Variants in OSBPL6 observed in about 807,000 individuals in gnomAD.
The protein encoded by OSBPL6 is oxysterol binding protein like 6.
OSBPL6 carries 49 observed loss-of-function variants against 125.8 expected under a neutral mutation model. That is an observed-to-expected ratio of 0.39 (90% CI 0.31 to 0.49). The LOEUF (loss-of-function observed/expected upper bound fraction) is 0.49, where lower values mean the gene tolerates loss of function less well. OSBPL6 is among the 20% of genes least tolerant of loss of function. The pLI is 0.88. For synonymous variants in OSBPL6, 394 were observed against 391.8 expected, an observed-to-expected ratio of 1.01 and a Z score of -0.07; for missense variants, 986 against 1,135.4, an observed-to-expected ratio of 0.87 and a Z score of 1.89.
intron 15 of OSBPL6, among the ~76,000 whole-genome samples, chr2:178,380,951 G>A (rs77480831): frequency 0.05 from 7,587 of 152,218 alleles, 299 homozygotes; most frequent in East Asian, 0.13. Context: ...TTTTGAAATT[G>A]GAGGATAATA....
intron 1 of OSBPL6, among the ~76,000 whole-genome samples, chr2:178,209,669 G>C (rs2089744842): frequency 6.6e-6 from 1 of 151,698 alleles, no homozygotes. Context: ...GAGTCCCCAA[G>C]GGAGCTGATT....
At chr2:178,345,498 C>T (rs1024050409) in intron 11 of OSBPL6, among the ~76,000 whole-genome samples, 2 of 152,176 alleles carry the variant, frequency 1.3e-5, no homozygotes, top group Non-Finnish European at 1.5e-5. Context: ...CTTAAACTCA[C>T]AGTTTTGTAA....
chr2:178,339,176 G>T, intron 10 of OSBPL6, 82 bp downstream of exon 10: 2 of 766,452 alleles, frequency 2.6e-6, no homozygotes, highest in East Asian at 2.9e-5. Context: ...AATATATAAG[G>T]TAACATTTAA....
At chr2:178,254,884 A>G (rs2091829353) in intron 1 of OSBPL6, among the ~76,000 whole-genome samples, 1 of 152,232 alleles carries the variant, frequency 6.6e-6, no homozygotes, top group African/African-American at 2.4e-5. Flanking sequence ...TACATACCCA[A>G]GACTGGGTAA....
intron 15 of OSBPL6, among the ~76,000 whole-genome samples, chr2:178,375,251 T>C (rs1007256394): frequency 1.1e-4 from 17 of 152,154 alleles, no homozygotes; most frequent in African/African-American, 3.9e-4. Context: ...CCCTCCATCA[T>C]AGGGATACTC....
At chr2:178,198,450 C>T (rs1181244996) in intron 1 of OSBPL6, among the ~76,000 whole-genome samples, 5 of 151,724 alleles carry the variant, frequency 3.3e-5, no homozygotes, top group African/African-American at 1.2e-4. Flanking sequence ...GTGCATGCCA[C>T]CACACCCAGC....
Position 178,381,376 on chromosome 2 carries a change from C to T in OSBPL6, c.1534-1044C>T, listed in dbSNP as rs184455096. Among the ~76,000 whole-genome samples, 140 of 152,096 alleles carry T rather than the reference C, an allele frequency of 9.2e-4. 2 individuals are homozygous for T. The highest frequency in any genetic ancestry group is 3.2e-3 in the African/African-American group (133 of 41,512). On this transcript the variant is annotated intron_variant, in intron 15 of 24. Coordinates refer to ENST00000190611, the MANE Select transcript of OSBPL6 (RefSeq NM_032523.4). ...AAGCCGTATTTCTTTTTTTTTGAGA[C>T]AGAGTCTCGCTCTGTCGCCCAGGCT...
chr2:178,345,545 GGTCCAT>G (rs1690615117), intron 11 of OSBPL6, among the ~76,000 whole-genome samples: 2 of 152,272 alleles, frequency 1.3e-5, no homozygotes, highest in South Asian at 4.1e-4. Context: ...TAGCTTTCAT[GGTCCAT>G]GTATATCTTA....
At chr2:178,263,102 T>C (rs919682) in intron 1 of OSBPL6, among the ~76,000 whole-genome samples, 30,871 of 152,192 alleles carry the variant, frequency 0.2, 3,183 homozygotes, top group South Asian at 0.28. Flanking sequence ...GGATCTTATC[T>C]GTTCTGAAAT....
intron 18 of OSBPL6, among the ~76,000 whole-genome samples, chr2:178,384,892 A>G (rs1293973646): frequency 2.0e-5 from 3 of 151,608 alleles, no homozygotes; most frequent in Non-Finnish European, 4.4e-5. Context: ...AAAAAAAAAA[A>G]TCTTTGTAGC....
chr2:178,248,914 CT>C (rs2091587716), intron 1 of OSBPL6, among the ~76,000 whole-genome samples: 1 of 151,768 alleles, frequency 6.6e-6, no homozygotes, highest in Non-Finnish European at 1.5e-5. Context: ...TTTCTATTAC[CT>C]TTTGTATTTT....
In OSBPL6 at chr2:178,295,024, G is replaced by A. The variant is rs138616189; in HGVS notation, c.-156+9903G>A. 3.2e-3 allele frequency among the ~76,000 whole-genome samples: 483 copies of A among 151,922 alleles called. 3 individuals carry two copies. Among genetic ancestry groups the A allele is most frequent in the African/African-American group, 0.011 (472 of 41,474 alleles). ...GGATCTTAGCAATTCTTTTTCTCAT[G>A]GGGTTTTTAATGAAACTAACATTAT... On this transcript the variant is annotated intron_variant, in intron 2 of 24. Coordinates refer to ENST00000190611, the MANE Select transcript of OSBPL6 (RefSeq NM_032523.4).
chr2:178,368,492 G>A (rs1574988531), intron 13 of OSBPL6, among the ~76,000 whole-genome samples: 1 of 152,194 alleles, frequency 6.6e-6, no homozygotes, highest in Non-Finnish European at 1.5e-5. Flanking sequence ...TGAAATCATA[G>A]CAGGAGAGAT....
At chr2:178,228,297 A>T (rs1261503541) in intron 1 of OSBPL6, among the ~76,000 whole-genome samples, 1 of 152,218 alleles carries the variant, frequency 6.6e-6, no homozygotes, top group Admixed American at 6.5e-5. Flanking sequence ...GCACTTTGGG[A>T]GGCCAAGGTG....
intron 18 of OSBPL6, 92 bp downstream of exon 18, chr2:178,384,268 G>A: frequency 6.8e-7 from 1 of 1,467,120 alleles, no homozygotes; most frequent in Non-Finnish European, 9.3e-7. Context: ...TGTTGGGATG[G>A]GTTATGATAC....
intron 15 of OSBPL6, among the ~76,000 whole-genome samples, chr2:178,375,580 G>A (rs963415576): frequency 1.3e-4 from 19 of 151,916 alleles, no homozygotes; most frequent in African/African-American, 4.1e-4. Flanking sequence ...GCACCTCCAC[G>A]CCCTGCTAAT....
In OSBPL6 at chr2:178,200,201, A is replaced by G. The variant is rs190271294; in HGVS notation, c.-351+5527A>G. Among the ~76,000 whole-genome samples, 120 of 151,202 alleles carry G rather than the reference A, an allele frequency of 7.9e-4. 2 individuals carry two copies. The highest frequency in any genetic ancestry group is 5.3e-4 in the Non-Finnish European group (36 of 67,918). On this transcript the variant is annotated intron_variant, in intron 1 of 24. Transcript: ENST00000190611. ...ATTTGACATTTATATGCAAATCAAT[A>G]ATGTATGAGTTAAATGCAAGCAAGC...
intron 1 of OSBPL6, among the ~76,000 whole-genome samples, chr2:178,260,463 G>A (rs918212676): frequency 2.6e-5 from 4 of 152,104 alleles, no homozygotes; most frequent in South Asian, 4.1e-4. Flanking sequence ...TTTATAATGT[G>A]GTCCTAGTAG....
chr2:178,278,986 T>C (rs1302512277), intron 1 of OSBPL6, among the ~76,000 whole-genome samples: 1 of 152,194 alleles, frequency 6.6e-6, no homozygotes, highest in African/African-American at 2.4e-5. Flanking sequence ...GGTGTGAGCA[T>C]TGAAATAAAA....
Sources: gnomAD v4.1 joint callset for allele counts (sites outside exome capture counted in the v4.1 genomes callset) on GRCh38, gnomAD v4.1.1 for gene constraint, MANE v1.5 for transcripts, NCBI Gene and HGNC (gene_info 2026-07-23, HGNC 2026-07-21) for gene names.